The following MAP2K6 variants were observed in gnomAD, a reference collection of about 807,000 sequenced individuals.
MAP2K6 encodes mitogen-activated protein kinase kinase 6.
Under a neutral mutation model 53.7 loss-of-function variants are expected in MAP2K6, and 16 were observed. The ratio of observed to expected loss-of-function variants is 0.30; its 90% CI spans 0.20 to 0.45. MAP2K6 has a LOEUF of 0.45. MAP2K6 is among the 20% of genes least tolerant of loss of function. MAP2K6 has a pLI of 1.00. For missense variants in MAP2K6, 204 were observed against 411.9 expected (o/e 0.50, Z 4.37); for synonymous variants, 132 against 143.1 (o/e 0.92, Z 0.55).
At chr17:69,526,329 C>T (rs1338033562) in intron 9 of MAP2K6, among the ~76,000 whole-genome samples, 1 of 152,078 alleles carries the variant, frequency 6.6e-6, no homozygotes, top group Non-Finnish European at 1.5e-5. Flanking sequence ...GTGAGGGTCC[C>T]CATTTTAGAT....
At chr17:69,430,638 G>A (rs1026718431) in intron 1 of MAP2K6, among the ~76,000 whole-genome samples, 11 of 152,138 alleles carry the variant, frequency 7.2e-5, no homozygotes, top group Admixed American at 1.3e-4. Context: ...AAACAAGCCC[G>A]GACTTATCTT....
chr17:69,526,777 T>C (rs1487382370), intron 10 of MAP2K6, 68 bp downstream of exon 10: 13 of 1,558,616 alleles, frequency 8.3e-6, no homozygotes, highest in South Asian at 3.5e-5. Context: ...ATTTCTTCCA[T>C]CGGGGTTGAA....
intron 1 of MAP2K6, among the ~76,000 whole-genome samples, chr17:69,440,166 G>C (rs1006650320): frequency 6.6e-6 from 1 of 152,054 alleles, no homozygotes; most frequent in Non-Finnish European, 1.5e-5. Flanking sequence ...TACTGCCTCA[G>C]CCTCCAGAGT....
At chr17:69,502,807 C>T (rs1909239151) in intron 1 of MAP2K6, 1 of 616,430 alleles carries the variant, frequency 1.6e-6, no homozygotes, top group South Asian at 7.2e-5. Context: ...GTCTTTTATT[C>T]CTTTGGTCTC....
chr17:69,453,933 CT>C (rs1907315660), intron 1 of MAP2K6, among the ~76,000 whole-genome samples: 1 of 152,160 alleles, frequency 6.6e-6, no homozygotes, highest in African/African-American at 2.4e-5. Context: ...GAATCACGTC[CT>C]TGGATTTAAA....
chr17:69,473,484 G>A lies in MAP2K6; in HGVS notation c.17-32296G>A, dbSNP rs1908046148. ...CTAATAGCAGTTTTGCCTGGGTAGT[G>A]GAATTTGGGTAATTTCAGCTTTCTT... On this transcript the variant is annotated intron_variant, in intron 1 of 11. Transcript: ENST00000590474. 2.0e-5 allele frequency among the ~76,000 whole-genome samples: 3 copies of A among 152,138 alleles called. No homozygotes were observed. In the South Asian group the frequency reaches 6.2e-4, roughly 32 times the overall value.
intron 1 of MAP2K6, among the ~76,000 whole-genome samples, chr17:69,462,427 C>T (rs1012736419): frequency 5.9e-5 from 9 of 152,042 alleles, no homozygotes; most frequent in Non-Finnish European, 1.3e-4. Context: ...CTACGTTTTC[C>T]TCTAGAGCCA....
At chr17:69,521,152 TC>T (rs762012848) in intron 7 of MAP2K6, 52 bp downstream of exon 7, 4 of 1,529,204 alleles carry the variant, frequency 2.6e-6, no homozygotes, top group Non-Finnish European at 3.6e-6. Flanking sequence ...TTCATCTCTT[TC>T]ACCTGGAGTC....
intron 1 of MAP2K6, among the ~76,000 whole-genome samples, chr17:69,463,172 T>C (rs1907678129): frequency 6.6e-6 from 1 of 151,618 alleles, no homozygotes; most frequent in African/African-American, 2.4e-5. Flanking sequence ...TGTGTGAACG[T>C]GTGCCAAGAA....
intron 1 of MAP2K6, among the ~76,000 whole-genome samples, chr17:69,484,479 A>T (rs1389553105): frequency 6.6e-6 from 1 of 152,044 alleles, no homozygotes; most frequent in African/African-American, 2.4e-5. Context: ...TGCTGATGGG[A>T]ACGTAACATG....
chr17:69,436,145 A>G (rs1267706018), intron 1 of MAP2K6, among the ~76,000 whole-genome samples: 1 of 152,216 alleles, frequency 6.6e-6, no homozygotes, highest in Non-Finnish European at 1.5e-5. Context: ...AAAGATAACA[A>G]GTTTGTAAAT....
At chr17:69,538,308 A>C (rs1467848642) in intron 11 of MAP2K6, among the ~76,000 whole-genome samples, 1 of 152,274 alleles carries the variant, frequency 6.6e-6, no homozygotes, top group Non-Finnish European at 1.5e-5. Flanking sequence ...CTTAATATAC[A>C]TGGGCAGCTG....
intron 11 of MAP2K6, 42 bp downstream of exon 11, chr17:69,536,202 T>G (rs2144861779): frequency 6.7e-7 from 1 of 1,485,142 alleles, no homozygotes; most frequent in East Asian, 2.3e-5. Context: ...TACTGATAGC[T>G]ACAAAAGGCA....
intron 1 of MAP2K6, among the ~76,000 whole-genome samples, chr17:69,489,846 C>T (rs892851199): frequency 8.5e-5 from 13 of 152,144 alleles, no homozygotes; most frequent in African/African-American, 2.4e-4. Flanking sequence ...GTGGGAAATG[C>T]GCTAAGCCAG....
At chr17:69,445,891 C>G (rs1341987893) in intron 1 of MAP2K6, among the ~76,000 whole-genome samples, 2 of 152,136 alleles carry the variant, frequency 1.3e-5, no homozygotes, top group African/African-American at 2.4e-5. Flanking sequence ...GTGCAGGTCT[C>G]TTTTTCTTAT....
intron 9 of MAP2K6, 37 bp downstream of exon 9, chr17:69,525,015 G>T: frequency 6.4e-7 from 1 of 1,567,684 alleles, no homozygotes; most frequent in South Asian, 1.1e-5. Context: ...ATGAGGTTGT[G>T]GGTAATGAAA....
intron 1 of MAP2K6, among the ~76,000 whole-genome samples, chr17:69,430,530 GC>G (rs751025166): frequency 3.3e-5 from 5 of 152,180 alleles, no homozygotes; most frequent in Admixed American, 1.3e-4. Flanking sequence ...TGTTCATCTA[GC>G]TATTATGTGA....
chr17:69,467,020 A>G (rs1907836512), intron 1 of MAP2K6, among the ~76,000 whole-genome samples: 1 of 152,226 alleles, frequency 6.6e-6, no homozygotes, highest in Admixed American at 6.5e-5. Context: ...ACAAAGCAGA[A>G]AAGTGCATCT....
intron 1 of MAP2K6, among the ~76,000 whole-genome samples, chr17:69,423,185 G>A (rs1306875956): frequency 6.6e-6 from 1 of 152,074 alleles, no homozygotes; most frequent in Non-Finnish European, 1.5e-5. Context: ...GCCCGGCCAA[G>A]CCTCAGCTGT....
Sources: allele counts gnomAD v4.1 joint callset (sites outside exome capture counted in the v4.1 genomes callset), GRCh38; gene constraint gnomAD v4.1.1; transcripts MANE v1.5; gene names NCBI Gene and HGNC (gene_info 2026-07-23, HGNC 2026-07-21).